The following CEP85 variants were observed in gnomAD, a reference collection of about 807,000 sequenced individuals.
The protein encoded by CEP85 is centrosomal protein of 85 kDa.
Under a neutral mutation model 93.7 loss-of-function variants are expected in CEP85, and 58 were observed. The ratio of observed to expected loss-of-function variants is 0.62; its 90% confidence interval spans 0.50 to 0.77. The LOEUF (loss-of-function observed/expected upper bound fraction) is 0.77, where lower values mean the gene tolerates loss of function less well. Among genes scored for constraint, CEP85 ranks in the 30% least tolerant of loss-of-function variants. The pLI, the probability that CEP85 is intolerant of heterozygous loss-of-function variation, is 0.00. For missense variants in CEP85, 868 were observed against 922.0 expected (o/e 0.94, Z 0.76); for synonymous variants, 314 against 338.6 (o/e 0.93, Z 0.80).
intron 7 of CEP85, among the ~76,000 whole-genome samples, chr1:26,262,072 C>G (rs2089818803): frequency 6.6e-6 from 1 of 152,132 alleles, no homozygotes; most frequent in Non-Finnish European, 1.5e-5. Context: ...CTTTGGGAGG[C>G]TGAGGAGGGC....
chr1:26,277,293 A>T lies in CEP85; in HGVS notation c.2286A>T (p.Ter762CysextTer14). 6.2e-7 allele frequency: 1 copy of T among 1,609,326 alleles called. No homozygotes were observed. Among genetic ancestry groups the T allele is most frequent in the Non-Finnish European group, 8.5e-7 (1 of 1,175,864 alleles). ...TGGGAGAAAACTGTGTCACACAGTG[A>T]GGAATTCTGGGGGATTCCCCCAGGG... ...QDMGENCVTQ[*>C] The change falls in exon 14 of 14, where the codon TGA becomes TGT. Residue 762 changes from the stop codon to cysteine, a stop_lost. Transcript: ENST00000451429.
chr1:26,271,049 G>A lies in CEP85; in HGVS notation c.1685G>A (p.Gly562Glu), dbSNP rs371093942. The change falls in exon 10 of 14, where the codon GGA becomes GAA. Residue 562 changes from glycine to glutamate, a missense_variant. Physicochemically the swap from Gly to Glu is moderately conservative, Grantham distance 98. Transcript: ENST00000451429. ...QDKQSVEETS[G>E]EGPEVEMESW... ...AAACAGTCTGTGGAGGAGACCAGTG[G>A]AGAAGGTCCAGAAGTGGAAATGGAG... 8.4e-5 allele frequency: 135 copies of A among 1,613,642 alleles called. No individual in the cohort carries two copies. The highest frequency in any genetic ancestry group is 1.0e-4 in the Non-Finnish European group (121 of 1,179,650).
intron 6 of CEP85, 112 bp downstream of exon 6, chr1:26,258,372 T>A: frequency 1.4e-6 from 1 of 722,516 alleles, no homozygotes; most frequent in South Asian, 1.6e-5. Flanking sequence ...GATGTAAGTG[T>A]CCCTGCCCTC....
chr1:26,244,335 G>T lies in CEP85; in HGVS notation c.208+17G>T, dbSNP rs372711332. ...TTGCGGAGGGTAAGTTTGTATTAAT[G>T]ATTTGATTACCAATATGTGTTCTCA... On this transcript the variant is annotated intron_variant, in intron 3 of 13. Transcript: ENST00000451429. 4.2e-5 allele frequency: 68 copies of T among 1,607,832 alleles called. No homozygotes were observed. The African/African-American group carries it at 7.9e-4, about 19-fold the overall frequency.
chr1:26,269,529 G>T lies in CEP85; in HGVS notation c.1564G>T (p.Glu522Ter), dbSNP rs2089941108. Residue 522 changes from glutamate (E) to a stop codon, truncating the protein, a stop_gained, in exon 9 of 14, where the codon GAG (glutamate) becomes TAG (stop). Coordinates refer to ENST00000451429, the MANE Select transcript of CEP85 (RefSeq NM_001319944.2). LOFTEE classifies it high-confidence loss of function. ...GACTGAGCTGGAGAGTTTGCTGGAG[G>T]AGACCCAGGCAATCTGCAGAGAGAA... is the stretch of plus-strand genomic sequence containing the variant. Reference protein sequence around the residue: ...KVTELESLLEETQAICREKEI... With the variant: ...KVTELESLLE The T allele has an allele frequency of 6.2e-7, 1 of 1,613,990 alleles. No homozygotes were observed. Among genetic ancestry groups the T allele is most frequent in the African/African-American group, 1.3e-5 (1 of 74,920 alleles).
intron 3 of CEP85, among the ~76,000 whole-genome samples, chr1:26,250,586 A>T (rs2089590170): frequency 6.6e-6 from 1 of 152,254 alleles, no homozygotes; most frequent in Admixed American, 6.5e-5. Flanking sequence ...TAGATAAGTT[A>T]AAAATGTGGA....
At chr1:26,253,994 CA>C (rs796535766) in intron 3 of CEP85, among the ~76,000 whole-genome samples, 4 of 146,904 alleles carry the variant, frequency 2.7e-5, no homozygotes, top group East Asian at 2.0e-4. Flanking sequence ...GACCCCATTT[CA>C]AAAAAAAAAG....
At position 26,277,435 on chromosome 1, in the gene CEP85, C is replaced by CTGAT. The variant is rs1456469644; in HGVS notation, c.*144_*147dup. The CTGAT allele has an allele frequency of 5.6e-6, 4 of 718,712 alleles. No individual in the cohort carries two copies. The highest frequency in any genetic ancestry group is 9.3e-6 in the Non-Finnish European group (4 of 430,322). 44.5% of individuals were successfully genotyped at this position (718,712 alleles called of 1,614,324 possible). A position where few individuals can be genotyped will look rare whatever the true frequency, so the allele number is the denominator to read the frequency against. On this transcript the variant is annotated 3_prime_UTR_variant, in exon 14 of 14. Coordinates refer to ENST00000451429, the MANE Select transcript of CEP85 (RefSeq NM_001319944.2). ...AGAGCCTGCATCTGGGGGCCAAGGG[C>CTGAT]TGATTAGGGAACTGTGTCCTACCCA...
At chr1:26,254,227 T>C (rs1271780195) in intron 3 of CEP85, among the ~76,000 whole-genome samples, 2 of 152,112 alleles carry the variant, frequency 1.3e-5, no homozygotes, top group African/African-American at 4.8e-5. Context: ...CCTTATTCAG[T>C]TTTCTGCCTG....
In CEP85 at chr1:26,269,472, G is replaced by A. The variant is rs1389425780; in HGVS notation, c.1507G>A (p.Glu503Lys). The A allele has an allele frequency of 6.2e-7, 1 of 1,613,990 alleles. No homozygotes were observed. Among genetic ancestry groups the A allele is most frequent in the Non-Finnish European group, 8.5e-7 (1 of 1,179,966 alleles). Residue 503 changes from glutamate to lysine, a missense_variant, in exon 9 of 14, where the codon GAG becomes AAG. Glu to Lys is a moderately conservative substitution (Grantham distance 56). Coordinates refer to ENST00000451429, the MANE Select transcript of CEP85 (RefSeq NM_001319944.2). The part of the protein sequence containing the change: ...QKQSQQLKDS[E>K]LKSTELQEKV... ...TCCTGTCTCTCAGCTTAAGGATTCT[G>A]AGTTGAAGAGCACAGAGCTGCAGGA...
chr1:26,277,262 A>G lies in CEP85; in HGVS notation c.2255A>G (p.Gln752Arg), dbSNP rs771310482. ...LRTTMSDRYAQDMGENCVTQ is the reference protein window; with the variant it reads ...LRTTMSDRYARDMGENCVTQ ...ACCACCATGTCAGACAGATATGCCC[A>G]GGACATGGGAGAAAACTGTGTCACA... Residue 752 changes from glutamine (Q) to arginine (R), a missense_variant, in exon 14 of 14, where the codon CAG becomes CGG. Gln to Arg is a conservative substitution (Grantham distance 43). Coordinates refer to ENST00000451429, the MANE Select transcript of CEP85 (RefSeq NM_001319944.2). 27 of 1,613,822 alleles carry G rather than the reference A, an allele frequency of 1.7e-5. No homozygotes were observed. The South Asian group carries it at 3.0e-4, about 18-fold the overall frequency.
intron 1 of CEP85, among the ~76,000 whole-genome samples, chr1:26,237,583 A>C (rs1034503821): frequency 1.3e-5 from 2 of 152,208 alleles, no homozygotes; most frequent in Non-Finnish European, 2.9e-5. Context: ...TTATGTATCC[A>C]TTCATTAGCT....
At chr1:26,256,600 C>CTT (rs771960691) in intron 4 of CEP85, among the ~76,000 whole-genome samples, 3 of 127,132 alleles carry the variant, frequency 2.4e-5, no homozygotes, top group African/African-American at 5.8e-5. Context: ...TTTGTATTTT[C>CTT]TTTTTTTTTT....
intron 3 of CEP85, among the ~76,000 whole-genome samples, chr1:26,247,149 A>G (rs2089523338): frequency 6.6e-6 from 1 of 152,222 alleles, no homozygotes; most frequent in Non-Finnish European, 1.5e-5. Flanking sequence ...AAAGTCCAGA[A>G]TAGGTGAATG....
At chr1:26,252,942 GT>G (rs2089641594) in intron 3 of CEP85, among the ~76,000 whole-genome samples, 1 of 151,978 alleles carries the variant, frequency 6.6e-6, no homozygotes, top group African/African-American at 2.4e-5. Flanking sequence ...TATTCTCTCT[GT>G]TTCTATGTGT....
chr1:26,244,052 A>C (rs147427578), intron 2 of CEP85, 114 bp from the exon 3 acceptor site: 1 of 805,802 alleles, frequency 1.2e-6, no homozygotes, highest in East Asian at 3.1e-5. Flanking sequence ...CACAGGAGAG[A>C]GAAAGGGGTG....
intron 2 of CEP85, among the ~76,000 whole-genome samples, 175 bp from the exon 3 acceptor site, chr1:26,243,991 C>CAA (rs58751883): frequency 0.073 from 7,880 of 107,462 alleles, 978 homozygotes; most frequent in Non-Finnish European, 0.085. Context: ...GACTCCGTCT[C>CAA]AAAAAAAAAA....
chr1:26,272,281 G>A (rs2089986267), intron 11 of CEP85: 5 of 579,302 alleles, frequency 8.6e-6, no homozygotes, highest in Non-Finnish European at 1.5e-5. Context: ...AGTCCCCACA[G>A]TATCCTGGGG....
intron 7 of CEP85, among the ~76,000 whole-genome samples, chr1:26,261,933 G>T (rs955691703): frequency 4.6e-5 from 7 of 152,044 alleles, no homozygotes; most frequent in African/African-American, 1.7e-4. Flanking sequence ...CATATGGGGA[G>T]GCCAAGGCAG....
Sources: gnomAD v4.1 joint callset for allele counts (sites outside exome capture counted in the v4.1 genomes callset) on GRCh38, gnomAD v4.1.1 for gene constraint, MANE v1.5 for transcripts, NCBI Gene and HGNC (gene_info 2026-07-23, HGNC 2026-07-21) for gene names.